The following GLDN variants were observed in gnomAD, a reference collection of about 807,000 sequenced individuals.
The protein encoded by GLDN is collomin.
In GLDN, 47 loss-of-function variants were observed where a neutral mutation model predicts 56.5. The observed-to-expected ratio is 0.83, with a 90% CI of 0.66 to 1.06. GLDN has a LOEUF of 1.06. GLDN is among the 50% of genes least tolerant of loss of function. The pLI is 0.00. For missense variants in GLDN, 782 were observed against 714.3 expected, an observed-to-expected ratio of 1.09 and a Z score of -1.08; for synonymous variants, 332 against 278.8, an observed-to-expected ratio of 1.19 and a Z score of -1.90.
At chr15:51,369,252 GC>G (rs1239312666) in intron 1 of GLDN, 1 of 152,246 alleles carries the variant, frequency 6.6e-6, no homozygotes, top group African/African-American at 2.4e-5. Flanking sequence ...ATCTCCTGGA[GC>G]TTTTTCTAAC....
rs185774368 is a variant in GLDN, at chr15:51,357,151, C to T, written c.363+15104C>T. Among the ~76,000 whole-genome samples the T allele has an allele frequency of 3.3e-4, 51 of 152,328 alleles. No individual in the cohort carries two copies. In the East Asian group the frequency reaches 9.4e-3, roughly 28 times the overall value. ...GTAGTTGGGCAACCCTTCCAGGTCC[C>T]CTTCCACCACATGGAAGCTTTACTT... On this transcript the variant is annotated intron_variant, in intron 1 of 9. Coordinates refer to ENST00000335449, the MANE Select transcript of GLDN (RefSeq NM_181789.4).
intron 4 of GLDN, among the ~76,000 whole-genome samples, chr15:51,391,227 T>C (rs2141115814): frequency 6.6e-6 from 1 of 151,814 alleles, no homozygotes; most frequent in South Asian, 2.1e-4. Flanking sequence ...TACCTGACCC[T>C]GTGGGGGGCG....
intron 2 of GLDN, among the ~76,000 whole-genome samples, chr15:51,378,977 A>G (rs902571087): frequency 2.6e-5 from 4 of 152,162 alleles, no homozygotes; most frequent in Non-Finnish European, 4.4e-5. Context: ...GGGACTGGGA[A>G]CAAGGTTTAG....
intron 6 of GLDN, among the ~76,000 whole-genome samples, chr15:51,398,628 T>A (rs2038185011): frequency 6.6e-6 from 1 of 152,202 alleles, no homozygotes; most frequent in South Asian, 2.1e-4. Context: ...CGGTCAGCTG[T>A]CAAAATGGGC....
intron 2 of GLDN, among the ~76,000 whole-genome samples, chr15:51,378,975 G>A (rs774127812): frequency 2.6e-5 from 4 of 152,184 alleles, no homozygotes; most frequent in Non-Finnish European, 5.9e-5. Flanking sequence ...TGGGGACTGG[G>A]AACAAGGTTT....
At chr15:51,352,658 G>A (rs1474402467) in intron 1 of GLDN, among the ~76,000 whole-genome samples, 2 of 152,146 alleles carry the variant, frequency 1.3e-5, no homozygotes, top group African/African-American at 4.8e-5. Context: ...CCTTGATATG[G>A]CAACAGGGCT....
At chr15:51,366,053 A>G (rs1452261566) in intron 1 of GLDN, among the ~76,000 whole-genome samples, 3 of 152,216 alleles carry the variant, frequency 2.0e-5, no homozygotes, top group African/African-American at 7.2e-5. Flanking sequence ...AGATTAGTAA[A>G]TGGATTTACA....
chr15:51,383,604 C>T, intron 3 of GLDN, 151 bp downstream of exon 3: 3 of 1,046,894 alleles, frequency 2.9e-6, no homozygotes, highest in Non-Finnish European at 2.9e-6. Flanking sequence ...TGAGGCTCTG[C>T]CATCACCATC....
At chr15:51,387,115 C>T (rs548853166) in intron 4 of GLDN, among the ~76,000 whole-genome samples, 1 of 152,106 alleles carries the variant, frequency 6.6e-6, no homozygotes, top group East Asian at 1.9e-4. Flanking sequence ...TGGGTTTCAG[C>T]CCTGAGAAGC....
At chr15:51,400,352 T>C (rs751717350) in intron 7 of GLDN, 21 bp from the exon 8 acceptor site, 2 of 1,614,182 alleles carry the variant, frequency 1.2e-6, no homozygotes, top group Admixed American at 1.7e-5. Flanking sequence ...CAAGTGACTT[T>C]CTTTTCTCTT....
intron 4 of GLDN, among the ~76,000 whole-genome samples, chr15:51,385,986 C>T (rs181585684): frequency 5.8e-4 from 89 of 152,282 alleles, no homozygotes; most frequent in Middle Eastern, 3.4e-3. Context: ...GATGGCCTGA[C>T]AGCTGTGCTG....
At position 51,401,589 on chromosome 15, in the gene GLDN, A is replaced by G. The variant is rs751170229; in HGVS notation, c.1028-4A>G. 3 of 1,611,940 alleles carry G rather than the reference A, an allele frequency of 1.9e-6. No homozygotes were observed. In the South Asian group the frequency reaches 3.3e-5, roughly 18 times the overall value. ...ACAGCCTCTCCCTGGCTTCCCTCCT[A>G]CAGGCATCATGGTTAAGGAATTCAA... On this transcript the variant is annotated splice_region_variant and splice_polypyrimidine_tract_variant and intron_variant, in intron 8 of 9. Transcript: ENST00000335449.
intron 9 of GLDN, among the ~76,000 whole-genome samples, chr15:51,403,119 T>C (rs1196862465): frequency 1.3e-5 from 2 of 152,038 alleles, no homozygotes; most frequent in East Asian, 3.9e-4. Context: ...GGAAGCTAAG[T>C]TTGGATGCAG....
intron 1 of GLDN, among the ~76,000 whole-genome samples, chr15:51,371,690 AT>A (rs755773270): frequency 3.2e-4 from 48 of 151,722 alleles, no homozygotes; most frequent in African/African-American, 1.1e-3. Context: ...TAAGAAAAGA[AT>A]TTTTTTTTCA....
chr15:51,370,821 A>C (rs1259468342), intron 1 of GLDN, among the ~76,000 whole-genome samples: 1 of 151,956 alleles, frequency 6.6e-6, no homozygotes, highest in African/African-American at 2.4e-5. Flanking sequence ...GTGAAATCTC[A>C]TCTCTACTAA....
chr15:51,405,130 C>T lies in GLDN; in HGVS notation c.*376C>T, dbSNP rs749598232. Reference sequence around the variant, plus strand: ...TTCTGTCGTTTAGCTTTTTTAGCCACATGCTGACCAAATTTACCTTTGAGT... The same window carrying T: ...TTCTGTCGTTTAGCTTTTTTAGCCATATGCTGACCAAATTTACCTTTGAGT... On this transcript the variant is annotated 3_prime_UTR_variant, in exon 10 of 10. Transcript: ENST00000335449. 8.5e-5 allele frequency: 18 copies of T among 211,480 alleles called. No homozygotes were observed. The highest frequency in any genetic ancestry group is 1.2e-4 in the Non-Finnish European group (13 of 104,850). 13.1% of individuals were successfully genotyped at this position (211,480 alleles called of 1,614,324 possible).
chr15:51,396,822 T>C (rs914085990), intron 5 of GLDN, among the ~76,000 whole-genome samples: 3 of 152,230 alleles, frequency 2.0e-5, no homozygotes, highest in Non-Finnish European at 4.4e-5. Context: ...AAGGAAAGAT[T>C]GAACTGGGTT....
rs1372557751 is a variant in GLDN at position 51,383,858 on chromosome 15, A to C, written c.507A>C (p.Gly169=). The part of the protein sequence containing the change: ...DGQPGPQGPK[G]EKGANGKRGK... The stretch of plus-strand genomic sequence containing the variant: ...AGCCTGGTCCTCAGGGCCCAAAAGG[A>C]GAAAAAGGAGCAAATGGAAAAAGAG... The change falls in exon 4 of 10, where the codon GGA becomes GGC. Residue 169 remains glycine (G), a synonymous_variant. Transcript: ENST00000335449. The C allele has an allele frequency of 6.2e-7, 1 of 1,612,526 alleles. No individual in the cohort carries two copies. The highest frequency in any genetic ancestry group is 8.5e-7 in the Non-Finnish European group (1 of 1,179,662).
At chr15:51,377,938 C>T (rs953348946) in intron 2 of GLDN, among the ~76,000 whole-genome samples, 1 of 152,180 alleles carries the variant, frequency 6.6e-6, no homozygotes, top group Admixed American at 6.5e-5. Flanking sequence ...TAAAACATTA[C>T]CATGAGACCT....
Sources: allele counts gnomAD v4.1 joint callset (sites outside exome capture counted in the v4.1 genomes callset), GRCh38; gene constraint gnomAD v4.1.1; transcripts MANE v1.5; gene names NCBI Gene and HGNC (gene_info 2026-07-23, HGNC 2026-07-21).